PALLD: variants seen among roughly 807,000 people sequenced by gnomAD.
PALLD encodes the protein palladin.
A neutral mutation model predicts 123.5 loss-of-function variants in PALLD; 61 were observed. The observed-to-expected ratio is 0.49, with a 90% CI of 0.40 to 0.61. The LOEUF (loss-of-function observed/expected upper bound fraction) is 0.61. Among genes scored for constraint, PALLD ranks in the 20% least tolerant of loss-of-function variants. The pLI is 0.00. For missense variants in PALLD, 1,273 were observed against 1,377.0 expected (o/e 0.92, Z 1.20); for synonymous variants, 465 against 496.4 (o/e 0.94, Z 0.84).
rs774105337 is a variant in PALLD at position 168,545,259 on chromosome 4, G to A, written c.908+32847G>A. Among the ~76,000 whole-genome samples, 141 of 152,058 alleles carry A rather than the reference G, an allele frequency of 9.3e-4. 3 individuals are homozygous for A. The highest frequency in any genetic ancestry group is 1.6e-4 in the Non-Finnish European group (11 of 68,012). On this transcript the variant is annotated intron_variant, in intron 2 of 21. Transcript: ENST00000505667. ...AACTCAAGATTGGCCGGGTGTGGTG[G>A]CTCACACCTGTAATCCCAGCACTTT...
At chr4:168,892,874 C>G (rs936589050) in intron 11 of PALLD, among the ~76,000 whole-genome samples, 1 of 152,048 alleles carries the variant, frequency 6.6e-6, no homozygotes, top group African/African-American at 2.4e-5. Context: ...CAGTGAATAA[C>G]ATTCACAGTA....
chr4:168,792,747 A>T (rs991013513), intron 10 of PALLD, among the ~76,000 whole-genome samples: 7 of 151,974 alleles, frequency 4.6e-5, no homozygotes, highest in Non-Finnish European at 8.8e-5. Context: ...AATTCTATTT[A>T]ATCTTATTCT....
intron 11 of PALLD, chr4:168,894,249 T>C (rs1754642945): frequency 1.2e-5 from 4 of 342,448 alleles, no homozygotes; most frequent in South Asian, 1.1e-4. Flanking sequence ...TTAAATTGTA[T>C]TTTGCTGTTT....
intron 2 of PALLD, among the ~76,000 whole-genome samples, chr4:168,579,815 A>G (rs1693961237): frequency 6.6e-6 from 1 of 152,086 alleles, no homozygotes; most frequent in African/African-American, 2.4e-5. Context: ...TGATATACAT[A>G]TATGTTGTAA....
chr4:168,749,028 G>A (rs972994538), intron 10 of PALLD, among the ~76,000 whole-genome samples: 1 of 152,164 alleles, frequency 6.6e-6, no homozygotes, highest in Non-Finnish European at 1.5e-5. Flanking sequence ...CCCCAGTGTT[G>A]GAGGTGGGGC....
intron 10 of PALLD, among the ~76,000 whole-genome samples, chr4:168,800,589 A>C (rs1165185042): frequency 6.6e-6 from 1 of 152,216 alleles, no homozygotes; most frequent in Non-Finnish European, 1.5e-5. Flanking sequence ...ATTGGCAAAA[A>C]TTTAAGCCTG....
intron 10 of PALLD, among the ~76,000 whole-genome samples, chr4:168,828,690 C>G (rs1743761092): frequency 6.6e-6 from 1 of 152,220 alleles, no homozygotes; most frequent in African/African-American, 2.4e-5. Flanking sequence ...ACCCTTTCCA[C>G]TTTTCTCCCC....
chr4:168,850,199 G>A (rs1014481829), intron 10 of PALLD, among the ~76,000 whole-genome samples: 4 of 152,070 alleles, frequency 2.6e-5, no homozygotes, highest in East Asian at 1.9e-4. Flanking sequence ...GGGGTAGCTC[G>A]CGAGGCCTCA....
At chr4:168,666,740 A>G (rs1483159888) in intron 2 of PALLD, among the ~76,000 whole-genome samples, 1 of 152,196 alleles carries the variant, frequency 6.6e-6, no homozygotes, top group Non-Finnish European at 1.5e-5. Context: ...GACAGAATAT[A>G]GAAAGAATTT....
At chr4:168,764,525 C>T (rs761419996) in intron 10 of PALLD, among the ~76,000 whole-genome samples, 1 of 152,042 alleles carries the variant, frequency 6.6e-6, no homozygotes, top group Non-Finnish European at 1.5e-5. Flanking sequence ...TCAAGAGATT[C>T]TCTTACCTCA....
intron 10 of PALLD, among the ~76,000 whole-genome samples, chr4:168,749,685 C>T (rs1730776969): frequency 6.6e-6 from 1 of 152,114 alleles, no homozygotes; most frequent in South Asian, 2.1e-4. Flanking sequence ...GCCTGGGCAA[C>T]AAGACTGAAA....
intron 10 of PALLD, among the ~76,000 whole-genome samples, chr4:168,852,250 G>A (rs1747910109): frequency 1.3e-5 from 2 of 152,292 alleles, no homozygotes; most frequent in Non-Finnish European, 2.9e-5. Context: ...CCTTCATGCA[G>A]TTAAACATTC....
At chr4:168,754,961 A>G (rs528608031) in intron 10 of PALLD, among the ~76,000 whole-genome samples, 8 of 152,314 alleles carry the variant, frequency 5.3e-5, no homozygotes, top group East Asian at 1.9e-4. Flanking sequence ...GGCCGGGCGC[A>G]GTGGCTCACG....
At chr4:168,917,785 C>T (rs187494393) in intron 17 of PALLD, among the ~76,000 whole-genome samples, 2 of 152,000 alleles carry the variant, frequency 1.3e-5, no homozygotes, top group African/African-American at 4.8e-5. Flanking sequence ...AATTGTGTTT[C>T]AGTCTGTATA....
intron 10 of PALLD, among the ~76,000 whole-genome samples, chr4:168,804,474 C>G (rs150843320): frequency 1.3e-5 from 2 of 152,150 alleles, no homozygotes; most frequent in East Asian, 1.9e-4. Flanking sequence ...ACTTAAAGTC[C>G]CTTCTCATCC....
chr4:168,723,666 C>T (rs1432412828), intron 10 of PALLD, among the ~76,000 whole-genome samples: 6 of 152,196 alleles, frequency 3.9e-5, no homozygotes, highest in African/African-American at 1.2e-4. Context: ...TGTGCTAGAG[C>T]ACACTACTCT....
intron 15 of PALLD, chr4:168,904,141 T>C: frequency 1.9e-6 from 1 of 516,944 alleles, no homozygotes; most frequent in Non-Finnish European, 3.5e-6. Flanking sequence ...ATTAAGGGTC[T>C]AATATGTACA....
At chr4:168,578,951 CT>C (rs2149641799) in intron 2 of PALLD, among the ~76,000 whole-genome samples, 1 of 152,228 alleles carries the variant, frequency 6.6e-6, no homozygotes, top group African/African-American at 2.4e-5. Flanking sequence ...AGTTTGTGTG[CT>C]CTGTATGTGT....
intron 3 of PALLD, among the ~76,000 whole-genome samples, chr4:168,676,444 A>G (rs9312349): frequency 0.026 from 3,951 of 151,750 alleles, 184 homozygotes; most frequent in African/African-American, 0.09. Context: ...CAAAATATGT[A>G]TAAAAGGATA....
Sources: allele counts gnomAD v4.1 joint callset (sites outside exome capture counted in the v4.1 genomes callset), GRCh38; gene constraint gnomAD v4.1.1; transcripts MANE v1.5; gene names NCBI Gene and HGNC (gene_info 2026-07-23, HGNC 2026-07-21).